TRPM3: variants seen among roughly 807,000 people sequenced by gnomAD.
TRPM3 encodes long transient receptor potential channel 3.
TRPM3 carries 77 observed loss-of-function variants against 181.2 expected under a neutral mutation model. The observed-to-expected ratio is 0.42, with a 90% CI of 0.35 to 0.51. TRPM3 has a LOEUF of 0.51. Among genes scored for constraint, TRPM3 ranks in the 20% least tolerant of loss-of-function variants. The pLI, the probability that TRPM3 is intolerant of heterozygous loss-of-function variation, is 0.01. For synonymous variants in TRPM3, 745 were observed against 796.4 expected, an observed-to-expected ratio of 0.94 and a Z score of 1.09; for missense variants, 1,759 against 2,196.7, an observed-to-expected ratio of 0.80 and a Z score of 3.98.
At chr9:71,358,554 A>G (rs1001243721) in intron 1 of TRPM3, among the ~76,000 whole-genome samples, 2 of 152,176 alleles carry the variant, frequency 1.3e-5, no homozygotes, top group African/African-American at 4.8e-5. Flanking sequence ...TCTTCACATT[A>G]AAGAGGCCAT....
At chr9:71,355,150 A>G (rs1361626332) in intron 1 of TRPM3, among the ~76,000 whole-genome samples, 1 of 152,184 alleles carries the variant, frequency 6.6e-6, no homozygotes, top group African/African-American at 2.4e-5. Flanking sequence ...GTTCAATTGC[A>G]ATTAATGGTT....
At chr9:70,969,432 A>G (rs181069375) in intron 1 of TRPM3, among the ~76,000 whole-genome samples, 13 of 152,118 alleles carry the variant, frequency 8.5e-5, no homozygotes, top group Non-Finnish European at 1.5e-4. Flanking sequence ...AAATAATAAG[A>G]CATTATGTAA....
At chr9:71,391,465 CTATTT>C (rs578101668) in intron 1 of TRPM3, among the ~76,000 whole-genome samples, 76 of 152,040 alleles carry the variant, frequency 5.0e-4, no homozygotes, top group African/African-American at 1.7e-3. Context: ...AGTGATTTTT[CTATTT>C]TAAGTATAGA....
chr9:71,254,748 T>C (rs2082571157), intron 1 of TRPM3, among the ~76,000 whole-genome samples: 1 of 152,128 alleles, frequency 6.6e-6, no homozygotes. Flanking sequence ...ATTTAGACAG[T>C]TTGCATAACC....
chr9:71,298,935 C>CA (rs879555317), intron 1 of TRPM3, among the ~76,000 whole-genome samples: 3 of 152,132 alleles, frequency 2.0e-5, no homozygotes, highest in Non-Finnish European at 4.4e-5. Context: ...AGAGAATCAA[C>CA]TCTGTATTTT....
At chr9:71,327,795 A>C (rs1023255877) in intron 1 of TRPM3, among the ~76,000 whole-genome samples, 20 of 152,286 alleles carry the variant, frequency 1.3e-4, no homozygotes, top group Middle Eastern at 3.4e-3. Context: ...GAGAGGTTCT[A>C]TCAACGTTTT....
intron 1 of TRPM3, among the ~76,000 whole-genome samples, chr9:71,088,910 G>A: frequency 6.6e-6 from 1 of 151,546 alleles, no homozygotes; most frequent in Non-Finnish European, 1.5e-5. Context: ...GGGAGAAAAG[G>A]GTATAATGGA....
intron 22 of TRPM3, among the ~76,000 whole-genome samples, chr9:70,556,392 T>C (rs2047712457): frequency 6.6e-6 from 1 of 152,048 alleles, no homozygotes; most frequent in Admixed American, 6.6e-5. Context: ...ACAGAGGTAG[T>C]ATTAATTTAG....
At chr9:70,891,337 G>T (rs1182310638) in intron 1 of TRPM3, among the ~76,000 whole-genome samples, 1 of 152,044 alleles carries the variant, frequency 6.6e-6, no homozygotes, top group Non-Finnish European at 1.5e-5. Flanking sequence ...TGGGAAAAGG[G>T]AATAAAATAG....
chr9:71,415,022 G>A (rs943644465), intron 1 of TRPM3, among the ~76,000 whole-genome samples: 3 of 152,014 alleles, frequency 2.0e-5, no homozygotes, highest in African/African-American at 7.2e-5. Flanking sequence ...ATCTTGAGAT[G>A]GGAAGATTTT....
chr9:71,272,287 G>A (rs1230073852), intron 1 of TRPM3, among the ~76,000 whole-genome samples: 2 of 151,912 alleles, frequency 1.3e-5, no homozygotes, highest in Non-Finnish European at 2.9e-5. Flanking sequence ...ATTGCACATA[G>A]GTCAATTTTA....
chr9:71,155,808 G>C (rs550328120), intron 1 of TRPM3, among the ~76,000 whole-genome samples: 1 of 152,134 alleles, frequency 6.6e-6, no homozygotes, highest in East Asian at 1.9e-4. Context: ...GATTGTAAAA[G>C]GAATGTAATC....
intron 1 of TRPM3, among the ~76,000 whole-genome samples, chr9:71,039,388 G>T (rs773213777): frequency 5.3e-5 from 8 of 152,106 alleles, no homozygotes; most frequent in Non-Finnish European, 8.8e-5. Flanking sequence ...CAGGTTAAAA[G>T]GTCTATGACA....
chr9:70,553,868 C>T (rs1231259267), intron 22 of TRPM3, among the ~76,000 whole-genome samples: 1 of 152,132 alleles, frequency 6.6e-6, no homozygotes, highest in Non-Finnish European at 1.5e-5. Flanking sequence ...CAGGGCAGTG[C>T]CTTGGGAAGT....
At chr9:71,043,511 C>T (rs1403931505) in intron 1 of TRPM3, among the ~76,000 whole-genome samples, 3 of 152,166 alleles carry the variant, frequency 2.0e-5, no homozygotes, top group African/African-American at 7.2e-5. Context: ...CCCAGAACTA[C>T]AGCTTTTTCT....
At chr9:71,337,660 T>C (rs981672756) in intron 1 of TRPM3, among the ~76,000 whole-genome samples, 1 of 152,140 alleles carries the variant, frequency 6.6e-6, no homozygotes, top group Non-Finnish European at 1.5e-5. Context: ...CTGTTCACAA[T>C]AGCAAAGATT....
intron 25 of TRPM3, among the ~76,000 whole-genome samples, chr9:70,545,548 C>CTTTCTTT (rs778185642): frequency 4.0e-4 from 45 of 113,332 alleles, no homozygotes; most frequent in Admixed American, 1.1e-3. Flanking sequence ...AATTTTCTTT[C>CTTTCTTT]TTTTTTTTTT....
intron 4 of TRPM3, among the ~76,000 whole-genome samples, chr9:70,846,038 G>A (rs577948510): frequency 1.7e-4 from 26 of 152,276 alleles, no homozygotes; most frequent in African/African-American, 4.8e-4. Context: ...GACAGAGGTA[G>A]GGCTTCCAAT....
intron 1 of TRPM3, among the ~76,000 whole-genome samples, chr9:70,981,634 A>T (rs1186774859): frequency 6.6e-6 from 1 of 152,184 alleles, no homozygotes; most frequent in African/African-American, 2.4e-5. Flanking sequence ...TGATGATAAT[A>T]ATAGGTCCTA....
Sources: gnomAD v4.1 joint callset for allele counts (sites outside exome capture counted in the v4.1 genomes callset) on GRCh38, gnomAD v4.1.1 for gene constraint, MANE v1.5 for transcripts, NCBI Gene and HGNC (gene_info 2026-07-23, HGNC 2026-07-21) for gene names.